TNFRSF19: variants seen among roughly 807,000 people sequenced by gnomAD.
TNFRSF19 encodes TNF receptor superfamily member 19.
A neutral mutation model predicts 46.4 loss-of-function variants in TNFRSF19; 27 were observed. The ratio of observed to expected loss-of-function variants is 0.58; its 90% CI spans 0.43 to 0.80. TNFRSF19 has a LOEUF of 0.80. Ranked by LOEUF, TNFRSF19 falls within the 30% of genes least tolerant of loss-of-function variation. The probability of loss-of-function intolerance (pLI) is 0.00; values close to 1 mark genes in which losing one functional copy is unlikely to be tolerated. For synonymous variants in TNFRSF19, 204 were observed against 205.0 expected (o/e 1.00, Z 0.04); for missense variants, 511 against 530.8 (o/e 0.96, Z 0.37).
At chr13:23,588,621 G>C (rs191509569) in intron 1 of TNFRSF19, among the ~76,000 whole-genome samples, 4 of 151,996 alleles carry the variant, frequency 2.6e-5, no homozygotes, top group Admixed American at 6.5e-5. Context: ...CACATTTTTT[G>C]CTTTTAGAAC....
At chr13:23,638,367 C>G (rs1458574976) in intron 5 of TNFRSF19, among the ~76,000 whole-genome samples, 8 of 152,162 alleles carry the variant, frequency 5.3e-5, no homozygotes, top group Non-Finnish European at 1.2e-4. Context: ...AAAGAGGATC[C>G]TGAAGCAGTG....
At chr13:23,667,131 ATATATATATG>A (rs1435103668) in intron 7 of TNFRSF19, among the ~76,000 whole-genome samples, 1 of 87,376 alleles carries the variant, frequency 1.1e-5, no homozygotes, top group Non-Finnish European at 2.5e-5. Context: ...ATATATATAT[ATATATATATG>A]TATGTATAGA....
At chr13:23,591,539 G>A (rs1037484489) in intron 2 of TNFRSF19, among the ~76,000 whole-genome samples, 3 of 149,446 alleles carry the variant, frequency 2.0e-5, no homozygotes, top group Non-Finnish European at 4.4e-5. Context: ...CTTCCCTGCT[G>A]TAATTGGAGG....
At chr13:23,651,862 AC>A (rs1883661375) in intron 5 of TNFRSF19, among the ~76,000 whole-genome samples, 2 of 16,392 alleles carry the variant, frequency 1.2e-4, no homozygotes, top group African/African-American at 3.5e-4. Flanking sequence ...TTTTTTTTTT[AC>A]TCTAAATGGT....
chr13:23,612,080 T>G (rs931662992), intron 3 of TNFRSF19, among the ~76,000 whole-genome samples: 9 of 152,302 alleles, frequency 5.9e-5, no homozygotes, highest in African/African-American at 2.2e-4. Flanking sequence ...TGATTATTTT[T>G]GTTAAATCTC....
At chr13:23,656,563 G>T (rs1399390726) in intron 5 of TNFRSF19, among the ~76,000 whole-genome samples, 1 of 152,238 alleles carries the variant, frequency 6.6e-6, no homozygotes, top group African/African-American at 2.4e-5. Context: ...GAGCTTAATG[G>T]TTACAACAGT....
At chr13:23,611,508 C>T (rs1880909190) in intron 3 of TNFRSF19, among the ~76,000 whole-genome samples, 1 of 152,064 alleles carries the variant, frequency 6.6e-6, no homozygotes, top group South Asian at 2.1e-4. Flanking sequence ...TGAGCATGGC[C>T]AGATTTAGCC....
intron 5 of TNFRSF19, among the ~76,000 whole-genome samples, chr13:23,640,513 A>AG (rs1882974017): frequency 6.6e-6 from 1 of 152,104 alleles, no homozygotes. Flanking sequence ...GCACCAGATG[A>AG]GCTGCTCTTT....
chr13:23,668,619 G>T (rs925578170), intron 8 of TNFRSF19, 73 bp from the exon 9 acceptor site: 6 of 1,512,660 alleles, frequency 4.0e-6, no homozygotes, highest in Non-Finnish European at 8.9e-7. Context: ...CTAAAATTAC[G>T]GCTGACATGC....
At chr13:23,612,413 A>G (rs1267050888) in intron 3 of TNFRSF19, among the ~76,000 whole-genome samples, 1 of 152,230 alleles carries the variant, frequency 6.6e-6, no homozygotes, top group African/African-American at 2.4e-5. Context: ...GATTATGAGT[A>G]ATTACAGAGT....
chr13:23,597,019 C>G (rs1012581485), intron 3 of TNFRSF19, among the ~76,000 whole-genome samples: 5 of 152,074 alleles, frequency 3.3e-5, no homozygotes, highest in African/African-American at 1.2e-4. Context: ...AAAATTAAGG[C>G]AGAAATAAAT....
chr13:23,662,681 G>T (rs569690444), intron 7 of TNFRSF19, among the ~76,000 whole-genome samples: 1 of 152,204 alleles, frequency 6.6e-6, no homozygotes, highest in African/African-American at 2.4e-5. Context: ...TTTTTCATTT[G>T]TCTGTGTCTT....
At chr13:23,656,842 G>C (rs1566216925) in intron 5 of TNFRSF19, among the ~76,000 whole-genome samples, 1 of 152,084 alleles carries the variant, frequency 6.6e-6, no homozygotes, top group Non-Finnish European at 1.5e-5. Context: ...TGGGATGCAA[G>C]TTCCTCTCCA....
chr13:23,663,813 G>A (rs1047476864), intron 7 of TNFRSF19, among the ~76,000 whole-genome samples: 3 of 152,070 alleles, frequency 2.0e-5, no homozygotes, highest in Admixed American at 2.0e-4. Context: ...GTTTATAGTA[G>A]TTCCTGATGG....
intron 4 of TNFRSF19, among the ~76,000 whole-genome samples, chr13:23,621,758 A>T (rs1166237137): frequency 6.8e-6 from 1 of 146,866 alleles, no homozygotes; most frequent in Non-Finnish European, 1.5e-5. Flanking sequence ...AGCCTGGGCA[A>T]CATGGCGAAA....
chr13:23,609,235 T>G (rs1880727883), intron 3 of TNFRSF19, among the ~76,000 whole-genome samples: 1 of 152,334 alleles, frequency 6.6e-6, no homozygotes, highest in South Asian at 2.1e-4. Context: ...ATGAGAAAGA[T>G]AATTCAGAAT....
At chr13:23,584,930 G>A (rs1878715106) in intron 1 of TNFRSF19, among the ~76,000 whole-genome samples, 1 of 152,130 alleles carries the variant, frequency 6.6e-6, no homozygotes, top group Non-Finnish European at 1.5e-5. Context: ...CTAGAAGCCG[G>A]GGGTTATTGT....
chr13:23,665,623 T>C (rs1325731342), intron 7 of TNFRSF19, among the ~76,000 whole-genome samples: 1 of 152,098 alleles, frequency 6.6e-6, no homozygotes, highest in Non-Finnish European at 1.5e-5. Flanking sequence ...CTCTCTCTCG[T>C]GTGTGTGTAT....
chr13:23,581,996 T>C (rs994378432), intron 1 of TNFRSF19, among the ~76,000 whole-genome samples: 4 of 152,124 alleles, frequency 2.6e-5, no homozygotes, highest in Non-Finnish European at 4.4e-5. Flanking sequence ...ACACTCCCAA[T>C]AAATACATTG....
Sources: allele counts gnomAD v4.1 joint callset (sites outside exome capture counted in the v4.1 genomes callset), GRCh38; gene constraint gnomAD v4.1.1; transcripts MANE v1.5; gene names NCBI Gene and HGNC (gene_info 2026-07-23, HGNC 2026-07-21).